Variants in SKI observed in about 807,000 individuals in gnomAD.
SKI encodes SKI proto-oncogene.
SKI carries 23 observed loss-of-function variants against 59.3 expected under a neutral mutation model. That is an observed-to-expected ratio of 0.39 (90% confidence interval 0.28 to 0.55). The LOEUF (loss-of-function observed/expected upper bound fraction) is 0.55. SKI is among the 20% of genes least tolerant of loss of function. SKI has a pLI of 0.67. For synonymous variants in SKI, 673 were observed against 488.6 expected, an observed-to-expected ratio of 1.38 and a Z score of -4.98; for missense variants, 1,017 against 1,038.9, an observed-to-expected ratio of 0.98 and a Z score of 0.29.
chr1:2,307,694 TTC>T lies in SKI; in HGVS notation c.*931_*932del, dbSNP rs920206830. 13 of 152,476 alleles carry T rather than the reference TTC, an allele frequency of 8.5e-5. No homozygotes were observed. The highest frequency in any genetic ancestry group is 2.2e-4 in the African/African-American group (9 of 41,376). 9.4% of individuals were successfully genotyped at this position (152,476 alleles called of 1,614,324 possible). A position where few individuals can be genotyped will look rare whatever the true frequency, so the allele number is the denominator to read the frequency against. On this transcript the variant is annotated 3_prime_UTR_variant, in exon 7 of 7. Transcript: ENST00000378536. ...AAAAGAGCATTATTTCAATTTTTCT[TTC>T]TTTTTTTTTGTTCGTTCATTTAAAC...
At chr1:2,241,126 C>T (rs1638861162) in intron 1 of SKI, among the ~76,000 whole-genome samples, 2 of 152,250 alleles carry the variant, frequency 1.3e-5, no homozygotes, top group South Asian at 4.1e-4. Flanking sequence ...GGCTCCATCA[C>T]TTCACTCCAG....
intron 1 of SKI, among the ~76,000 whole-genome samples, chr1:2,243,214 C>T (rs908434515): frequency 7.2e-5 from 11 of 152,220 alleles, no homozygotes; most frequent in Non-Finnish European, 1.5e-5. Flanking sequence ...GTTTTGGTAT[C>T]GCAAGAGATG....
At chr1:2,280,208 A>G (rs894295148) in intron 1 of SKI, among the ~76,000 whole-genome samples, 53 of 151,786 alleles carry the variant, frequency 3.5e-4, no homozygotes, top group African/African-American at 1.2e-3. Flanking sequence ...TATCTACTAA[A>G]AAAAAAAAAA....
rs751247235 is a variant in SKI at position 2,229,511 on chromosome 1, G to C, written c.745G>C (p.Asp249His). Residue 249 changes from aspartate (D) to histidine (H), a missense_variant, in exon 1 of 7, where the codon GAC (aspartate) becomes CAC (histidine). Physicochemically the swap from Asp to His is moderately conservative, Grantham distance 81. Coordinates refer to ENST00000378536, the MANE Select transcript of SKI (RefSeq NM_003036.4). This position sits in a 1 kb window ranked among gnomAD's most constrained non-coding sequence, Gnocchi z 6.3. ...GAGCGCCGCCTGCATCCAGTGCCTG[G>C]ACTGCCGCCTCATGTACCCGCCGCA... is the stretch of plus-strand genomic sequence containing the variant. ...SPSAACIQCL[D>H]CRLMYPPHKF... 2 of 1,611,646 alleles carry C rather than the reference G, an allele frequency of 1.2e-6. No individual in the cohort carries two copies. Among genetic ancestry groups the C allele is most frequent in the Non-Finnish European group, 1.7e-6 (2 of 1,179,916 alleles).
intron 1 of SKI, among the ~76,000 whole-genome samples, chr1:2,251,539 A>G (rs1639147907): frequency 1.3e-5 from 2 of 152,122 alleles, no homozygotes; most frequent in Non-Finnish European, 2.9e-5. Context: ...CCTGGTCCCC[A>G]GGTCGTGTGG....
In SKI at chr1:2,302,966, C is replaced by A. The variant is rs1247835047; in HGVS notation, c.970-12C>A. 7 of 1,613,406 alleles carry A rather than the reference C, an allele frequency of 4.3e-6. No individual in the cohort carries two copies. The highest frequency in any genetic ancestry group is 5.9e-6 in the Non-Finnish European group (7 of 1,180,008). Reference sequence around the variant, plus strand: ...AACCACAGGTGCCAACAAAACCTTTCATTGATCGCAGGTCTCCTCTGAGCC... The same window carrying A: ...AACCACAGGTGCCAACAAAACCTTTAATTGATCGCAGGTCTCCTCTGAGCC... On this transcript the variant is annotated splice_polypyrimidine_tract_variant and intron_variant, in intron 1 of 6. Transcript: ENST00000378536.
At chr1:2,260,487 A>T (rs1215365806) in intron 1 of SKI, among the ~76,000 whole-genome samples, 1 of 148,318 alleles carries the variant, frequency 6.7e-6, no homozygotes, top group Non-Finnish European at 1.5e-5. Flanking sequence ...TTTGAAGAGT[A>T]GAACTGCAAA....
At chr1:2,298,601 A>T (rs757354357) in intron 1 of SKI, among the ~76,000 whole-genome samples, 1 of 152,134 alleles carries the variant, frequency 6.6e-6, no homozygotes, top group Non-Finnish European at 1.5e-5. Flanking sequence ...CCCGTTTACC[A>T]ATGAGGGCAA....
intron 1 of SKI, among the ~76,000 whole-genome samples, chr1:2,247,143 T>A (rs1639016662): frequency 6.6e-6 from 1 of 152,154 alleles, no homozygotes; most frequent in South Asian, 2.1e-4. Context: ...CACTTGAACC[T>A]GGGAGTCGGA....
intron 1 of SKI, among the ~76,000 whole-genome samples, chr1:2,277,833 C>T (rs1214743408): frequency 3.4e-5 from 5 of 149,024 alleles, no homozygotes; most frequent in South Asian, 4.5e-4. Context: ...CCTGCACTCA[C>T]GCACTCAGGA....
At position 2,268,221 on chromosome 1, in the gene SKI, C is replaced by T. The variant is rs930533917; in HGVS notation, c.970-34757C>T. On this transcript the variant is annotated intron_variant, in intron 1 of 6. Coordinates refer to ENST00000378536, the MANE Select transcript of SKI (RefSeq NM_003036.4). This position sits in a 1 kb window ranked among gnomAD's most constrained non-coding sequence, Gnocchi z 5.0. ...GTCGCCCATCCTTGGGGGCCGGCGT[C>T]GCCTCCCTGCTGCTCCTACTGTGTG... 1.3e-5 allele frequency among the ~76,000 whole-genome samples: 2 copies of T among 152,194 alleles called. No homozygotes were observed. Among genetic ancestry groups the T allele is most frequent in the Admixed American group, 6.5e-5 (1 of 15,292 alleles).
chr1:2,293,459 G>A (rs543841080), intron 1 of SKI, among the ~76,000 whole-genome samples: 3 of 149,638 alleles, frequency 2.0e-5, no homozygotes, highest in Non-Finnish European at 4.4e-5. Flanking sequence ...GTTCTCCTGC[G>A]TCGCCCTCTC....
rs370280940 is a variant in SKI, at chr1:2,239,882, C to G, written c.969+10147C>G. On this transcript the variant is annotated intron_variant, in intron 1 of 6. Transcript: ENST00000378536. Reference sequence around the variant, plus strand: ...TCCACTGGGTTTAGGTGTGCTTCTGCTCCCCACTGCTGCTTCAGCTGCGTC... The same window carrying G: ...TCCACTGGGTTTAGGTGTGCTTCTGGTCCCCACTGCTGCTTCAGCTGCGTC... 3.9e-5 allele frequency among the ~76,000 whole-genome samples: 6 copies of G among 152,240 alleles called. No homozygotes were observed. In the East Asian group the frequency reaches 9.6e-4, roughly 24 times the overall value.
intron 1 of SKI, among the ~76,000 whole-genome samples, chr1:2,279,746 A>G (rs759030454): frequency 6.6e-6 from 1 of 152,098 alleles, no homozygotes; most frequent in Non-Finnish European, 1.5e-5. Flanking sequence ...ACAGGGTCTC[A>G]CTCTGTCGCC....
At chr1:2,252,181 TAAC>T (rs900425759) in intron 1 of SKI, among the ~76,000 whole-genome samples, 11 of 152,320 alleles carry the variant, frequency 7.2e-5, no homozygotes, top group Non-Finnish European at 1.3e-4. Flanking sequence ...TCCAGTTTAA[TAAC>T]AAACTTTATC....
At chr1:2,241,949 CTGTGTGTG>C (rs34969427) in intron 1 of SKI, among the ~76,000 whole-genome samples, 12 of 150,136 alleles carry the variant, frequency 8.0e-5, no homozygotes, top group Admixed American at 5.3e-4. Context: ...GCATGCCTGT[CTGTGTGTG>C]TGTGTGTGTG....
At position 2,237,941 on chromosome 1, in the gene SKI, A is replaced by G. The variant is rs16824924; in HGVS notation, c.969+8206A>G. Among the ~76,000 whole-genome samples, 317 of 152,314 alleles carry G rather than the reference A, an allele frequency of 2.1e-3. 8 individuals carry two copies. In the East Asian group the frequency reaches 0.051, roughly 25 times the overall value. On this transcript the variant is annotated intron_variant, in intron 1 of 6. Transcript: ENST00000378536. Reference sequence around the variant, plus strand: ...CCAGGACGGGTTACTTAAGGAGTCCAACGGGCCTTGAGAGGCTGATCACCC... The same window carrying G: ...CCAGGACGGGTTACTTAAGGAGTCCGACGGGCCTTGAGAGGCTGATCACCC...
intron 5 of SKI, among the ~76,000 whole-genome samples, chr1:2,305,014 C>T (rs1445130483): frequency 2.0e-5 from 3 of 152,228 alleles, no homozygotes; most frequent in South Asian, 4.1e-4. Flanking sequence ...CGCGCTCCGC[C>T]AGCAAGACCT....
intron 1 of SKI, among the ~76,000 whole-genome samples, chr1:2,272,866 C>T (rs1470191247): frequency 2.6e-5 from 4 of 152,206 alleles, no homozygotes; most frequent in South Asian, 4.1e-4. Flanking sequence ...CGCCCTCCCA[C>T]GCCCCTCCTG....
Sources: gnomAD v4.1 joint callset for allele counts (sites outside exome capture counted in the v4.1 genomes callset) on GRCh38, gnomAD v4.1.1 for gene constraint, Gnocchi (gnomAD v3.1) non-coding constraint, MANE v1.5 for transcripts, NCBI Gene and HGNC (gene_info 2026-07-23, HGNC 2026-07-21) for gene names.